The following SIL1 variants were observed in gnomAD, a reference collection of about 807,000 sequenced individuals.
The protein encoded by SIL1 is SIL1 nucleotide exchange factor.
SIL1 carries 40 observed loss-of-function variants against 49.1 expected under a neutral mutation model. That is an observed-to-expected ratio of 0.81 (90% CI 0.63 to 1.06). The LOEUF is 1.06. Among genes scored for constraint, SIL1 ranks in the 50% least tolerant of loss-of-function variants. The probability of loss-of-function intolerance (pLI) is 0.00; values close to 1 mark genes in which losing one functional copy is unlikely to be tolerated. For synonymous variants in SIL1, 253 were observed against 250.8 expected (o/e 1.01, Z -0.08); for missense variants, 500 against 572.6 (o/e 0.87, Z 1.29).
At chr5:139,044,475 T>A (rs1465067060) in intron 4 of SIL1, among the ~76,000 whole-genome samples, 1 of 152,196 alleles carries the variant, frequency 6.6e-6, no homozygotes, top group Non-Finnish European at 1.5e-5. Context: ...CACACAAGCA[T>A]GCACATGTGC....
rs140792595 is a variant in SIL1 at position 139,040,484 on chromosome 5, C to CTTTTTTT, written c.453+2135_453+2136insAAAAAAA. On this transcript the variant is annotated intron_variant, in intron 5 of 9. Transcript: ENST00000394817. ...TTGCAAGGGGAGAGGAGTATTTTTT[C>CTTTTTTT]TTTTTTCTTTTTTCTTTTTTTTTTT... Among the ~76,000 whole-genome samples the CTTTTTTT allele has an allele frequency of 1.1e-3, 97 of 89,400 alleles. 14 individuals carry two copies. The highest frequency in any genetic ancestry group is 1.5e-3 in the Non-Finnish European group (72 of 47,216). The allele number at this position is 89,400 out of a possible 152,430, so 58.6% of individuals were successfully genotyped here. A position where few individuals can be genotyped will look rare whatever the true frequency, so the allele number is the denominator to read the frequency against.
At chr5:139,003,306 A>G (rs1374626203) in intron 7 of SIL1, among the ~76,000 whole-genome samples, 3 of 152,134 alleles carry the variant, frequency 2.0e-5, no homozygotes, top group Non-Finnish European at 4.4e-5. Context: ...AGAAGTGTTA[A>G]CAGTCTGCTC....
chr5:138,958,809 T>C (rs891185111), intron 7 of SIL1, among the ~76,000 whole-genome samples: 1 of 152,158 alleles, frequency 6.6e-6, no homozygotes, highest in Non-Finnish European at 1.5e-5. Context: ...ATGATGTTTG[T>C]CAAATGATGA....
chr5:139,026,758 G>A (rs764098977), intron 6 of SIL1, 43 bp downstream of exon 6: 2 of 1,565,050 alleles, frequency 1.3e-6, no homozygotes, highest in South Asian at 1.1e-5. Context: ...ATTTATTTTT[G>A]GAGCTGTTAA....
chr5:139,007,990 A>G lies in SIL1; in HGVS notation c.767+13181T>C, dbSNP rs1289417111. ...GCTGGCCTCATAAAATGAGTTAGGG[A>G]GGATTCCCTCTTTTTCTATTGATTG... On this transcript the variant is annotated intron_variant, in intron 7 of 9. Transcript: ENST00000394817. Among the ~76,000 whole-genome samples, 413 of 152,096 alleles carry G rather than the reference A, an allele frequency of 2.7e-3. 2 individuals are homozygous for G. Among genetic ancestry groups the G allele is most frequent in the African/African-American group, 9.3e-3 (387 of 41,494 alleles).
At chr5:138,952,791 G>A (rs1766812124) in intron 7 of SIL1, among the ~76,000 whole-genome samples, 1 of 152,252 alleles carries the variant, frequency 6.6e-6, no homozygotes, top group East Asian at 1.9e-4. Context: ...GGGATGAGGG[G>A]CCTGGCGGGG....
chr5:139,097,081 G>A (rs1388946446), intron 3 of SIL1, among the ~76,000 whole-genome samples: 1 of 152,096 alleles, frequency 6.6e-6, no homozygotes, highest in Non-Finnish European at 1.5e-5. Flanking sequence ...TAGTGGTGGT[G>A]GCCACACTTT....
chr5:139,179,138 C>G (rs1751937379), intron 1 of SIL1, among the ~76,000 whole-genome samples: 1 of 152,152 alleles, frequency 6.6e-6, no homozygotes, highest in African/African-American at 2.4e-5. Context: ...CTCCAGGCTT[C>G]CAAAATAAAA....
chr5:138,983,876 C>T (rs1244877201), intron 7 of SIL1, among the ~76,000 whole-genome samples: 2 of 152,166 alleles, frequency 1.3e-5, no homozygotes, highest in African/African-American at 4.8e-5. Context: ...AACAGCTCAT[C>T]CAGCCATCTC....
chr5:138,980,182 T>C (rs1767484334), intron 7 of SIL1, among the ~76,000 whole-genome samples: 1 of 152,200 alleles, frequency 6.6e-6, no homozygotes, highest in Non-Finnish European at 1.5e-5. Context: ...TGACAGATAT[T>C]AGGGTTGTTT....
In SIL1 at chr5:138,947,568, A is replaced by G; in HGVS notation, c.1030-95T>C. The G allele has an allele frequency of 8.9e-7, 1 of 1,128,540 alleles. No homozygotes were observed. The highest frequency in any genetic ancestry group is 1.3e-6 in the Non-Finnish European group (1 of 741,744). 69.9% of individuals were successfully genotyped at this position (1,128,540 alleles called of 1,614,324 possible). On this transcript the variant is annotated intron_variant, in intron 9 of 9. Coordinates refer to ENST00000394817, the MANE Select transcript of SIL1 (RefSeq NM_022464.5). This position sits in a 1 kb window ranked among gnomAD's most constrained non-coding sequence, Gnocchi z 4.1. Reference sequence around the variant, plus strand: ...TCACACCTGGCTAGCTCTGCCCTTCAGACAGGAAGGCACGAGGCTGACCCC... The same window carrying G: ...TCACACCTGGCTAGCTCTGCCCTTCGGACAGGAAGGCACGAGGCTGACCCC...
chr5:139,179,591 G>A (rs992273380), intron 1 of SIL1, among the ~76,000 whole-genome samples: 3 of 152,154 alleles, frequency 2.0e-5, no homozygotes, highest in African/African-American at 7.2e-5. Context: ...GGCAGGAAGG[G>A]AGGCAGAAGT....
chr5:139,015,713 C>T lies in SIL1; in HGVS notation c.767+5458G>A, dbSNP rs549825826. On this transcript the variant is annotated intron_variant, in intron 7 of 9. Transcript: ENST00000394817. The stretch of plus-strand genomic sequence containing the variant: ...TCTCCTTACTATGTTATTATAAGAA[C>T]AAAATCCTTCCCAGAGGCTTCCAAG... Among the ~76,000 whole-genome samples the T allele has an allele frequency of 2.2e-3, 329 of 152,304 alleles. 2 individuals are homozygous for T. Among genetic ancestry groups the T allele is most frequent in the Admixed American group, 3.5e-3 (53 of 15,302 alleles).
chr5:138,962,969 G>A (rs554166801), intron 7 of SIL1, among the ~76,000 whole-genome samples: 1 of 152,312 alleles, frequency 6.6e-6, no homozygotes, highest in Admixed American at 6.5e-5. Context: ...ATTGTCTCAG[G>A]CAGTCTGAGG....
chr5:138,976,310 CTT>C (rs542941622), intron 7 of SIL1, among the ~76,000 whole-genome samples: 93 of 134,392 alleles, frequency 6.9e-4, no homozygotes, highest in Middle Eastern at 3.8e-3. Flanking sequence ...TATTACCTCT[CTT>C]TTTTTTTTTT....
intron 5 of SIL1, among the ~76,000 whole-genome samples, chr5:139,033,436 C>T (rs1768835947): frequency 6.6e-6 from 1 of 151,672 alleles, no homozygotes; most frequent in Non-Finnish European, 1.5e-5. Flanking sequence ...ATCATCTTTT[C>T]CTAGTTTCTT....
At chr5:139,107,474 A>T (rs892595623) in intron 3 of SIL1, among the ~76,000 whole-genome samples, 1 of 152,240 alleles carries the variant, frequency 6.6e-6, no homozygotes, top group Non-Finnish European at 1.5e-5. Context: ...ACAAAACTAT[A>T]GGACAATTAT....
At position 138,977,110 on chromosome 5, in the gene SIL1, C is replaced by T. The variant is rs150494781; in HGVS notation, c.768-25226G>A. Reference sequence around the variant, plus strand: ...TGGTGGAAGTGGCAGGATTGCTCTACTCGTCTCAGGACCAGGTGCCATGGC... The same window carrying T: ...TGGTGGAAGTGGCAGGATTGCTCTATTCGTCTCAGGACCAGGTGCCATGGC... On this transcript the variant is annotated intron_variant, in intron 7 of 9. Coordinates refer to ENST00000394817, the MANE Select transcript of SIL1 (RefSeq NM_022464.5). 3.0e-3 allele frequency among the ~76,000 whole-genome samples: 453 copies of T among 152,302 alleles called. 3 individuals are homozygous for T. The highest frequency in any genetic ancestry group is 0.01 in the African/African-American group (424 of 41,558).
intron 1 of SIL1, among the ~76,000 whole-genome samples, chr5:139,175,757 C>T (rs970543285): frequency 3.3e-5 from 5 of 152,016 alleles, no homozygotes; most frequent in African/African-American, 1.2e-4. Context: ...GAGGTCAGGA[C>T]TTCAAGACCA....
Sources: allele counts gnomAD v4.1 joint callset (sites outside exome capture counted in the v4.1 genomes callset), GRCh38; gene constraint gnomAD v4.1.1; non-coding constraint Gnocchi (gnomAD v3.1); transcripts MANE v1.5; gene names NCBI Gene and HGNC (gene_info 2026-07-23, HGNC 2026-07-21).